PYHIN1: variants seen among roughly 807,000 people sequenced by gnomAD.
PYHIN1 encodes the protein pyrin and HIN domain family member 1, also known as pyrin and HIN domain-containing protein 1.
PYHIN1 carries 32 observed loss-of-function variants against 43.7 expected under a neutral mutation model. The observed-to-expected ratio is 0.73, with a 90% confidence interval of 0.55 to 0.98. PYHIN1 has a LOEUF of 0.98. PYHIN1 is among the 50% of genes least tolerant of loss of function. The pLI is 0.00. For synonymous variants in PYHIN1, 205 were observed against 203.1 expected, an observed-to-expected ratio of 1.01 and a Z score of -0.08; for missense variants, 588 against 589.5, an observed-to-expected ratio of 1.00 and a Z score of 0.03.
chr1:158,944,032 TA>T, intron 6 of PYHIN1, 54 bp downstream of exon 6: 2 of 1,468,268 alleles, frequency 1.4e-6, no homozygotes, highest in Non-Finnish European at 9.2e-7. Flanking sequence ...TCATTTGCTT[TA>T]AGTTTTAGGA....
chr1:158,935,416 G>C (rs75150453), intron 1 of PYHIN1, among the ~76,000 whole-genome samples: 2 of 152,084 alleles, frequency 1.3e-5, no homozygotes, highest in Non-Finnish European at 2.9e-5. Context: ...TAAAAATGTG[G>C]TTTATAGAGA....
chr1:158,943,763 A>G, intron 5 of PYHIN1, 27 bp from the exon 6 acceptor site: 1 of 1,565,706 alleles, frequency 6.4e-7, no homozygotes, highest in Non-Finnish European at 8.7e-7. Flanking sequence ...ATGTTCTCAC[A>G]AACATGATAT....
At chr1:158,938,101 A>C (rs187777058) in intron 2 of PYHIN1, among the ~76,000 whole-genome samples, 1 of 152,350 alleles carries the variant, frequency 6.6e-6, no homozygotes, top group African/African-American at 2.4e-5. Context: ...TTAAAAGGAA[A>C]TGATAGAATA....
intron 1 of PYHIN1, among the ~76,000 whole-genome samples, chr1:158,936,107 C>G (rs1013596696): frequency 6.6e-6 from 1 of 151,580 alleles, no homozygotes; most frequent in Non-Finnish European, 1.5e-5. Flanking sequence ...ATGTGCATAA[C>G]GTGCAGGTTT....
At position 158,936,965 on chromosome 1, in the gene PYHIN1, G is replaced by A; in HGVS notation, c.55G>A (p.Asp19Asn). 1.9e-6 allele frequency: 3 copies of A among 1,611,996 alleles called. No individual in the cohort carries two copies. The highest frequency in any genetic ancestry group is 1.3e-5 in the African/African-American group (1 of 74,970). The change falls in exon 2 of 9, where the codon GAT (aspartate) becomes AAT (asparagine). Residue 19 changes from aspartate (D) to asparagine (N), a missense_variant. Transcript: ENST00000368140. ...VLLKGLEVIN[D>N]YHFRIVKSLL... ...ACTGAAAGGATTAGAGGTCATCAAT[G>A]ATTATCATTTTAGAATTGTTAAGTC...
At chr1:158,982,347 T>C in the PYHIN1 span, among the ~76,000 whole-genome samples, 2 of 152,202 alleles carry the variant, frequency 1.3e-5, no homozygotes, top group Non-Finnish European at 2.9e-5. Context: ...CCAGTTTTAA[T>C]TTTCTGTATA....
chr1:158,953,714 G>T (rs1007504129), intron 7 of PYHIN1, among the ~76,000 whole-genome samples: 1 of 152,200 alleles, frequency 6.6e-6, no homozygotes, highest in African/African-American at 2.4e-5. Context: ...CCAAAGAAAC[G>T]CAGTTCCTCA....
At chr1:158,984,518 T>C in the PYHIN1 span, among the ~76,000 whole-genome samples, 1 of 152,192 alleles carries the variant, frequency 6.6e-6, no homozygotes, top group Non-Finnish European at 1.5e-5. Flanking sequence ...GTGTGGTTGA[T>C]ATAATTTCTG....
rs755380605 is a variant in PYHIN1 at position 158,942,399 on chromosome 1, G to A, written c.1002G>A (p.Thr334=). The A allele has an allele frequency of 4.8e-5, 76 of 1,567,338 alleles. 1 individual carries two copies. The South Asian group carries it at 6.8e-4, about 14-fold the overall frequency. The part of the protein sequence containing the change: ...YIVYGLFMLH[T]KIVNRKTTIY... ...TATATGGATTATTTATGCTACATACGGTAAGGCATCAAAGCTATTTTGTGG... is the reference window on the plus strand; with the variant it reads ...TATATGGATTATTTATGCTACATACAGTAAGGCATCAAAGCTATTTTGTGG... Residue 334 remains threonine, a splice_region_variant and synonymous_variant, in exon 5 of 9, where the codon ACG becomes ACA. Transcript: ENST00000368140.
At chr1:158,982,016 C>T (rs1455396421), downstream of PYHIN1, among the ~76,000 whole-genome samples, 1 of 152,024 alleles carries the variant, frequency 6.6e-6, no homozygotes, top group Non-Finnish European at 1.5e-5. Flanking sequence ...GATTTAAGTT[C>T]CTTATAGAGT....
At chr1:158,972,549 G>C (rs1159504861) in intron 7 of PYHIN1, among the ~76,000 whole-genome samples, 1 of 151,908 alleles carries the variant, frequency 6.6e-6, no homozygotes, top group Non-Finnish European at 1.5e-5. Context: ...ACACAAAGAT[G>C]AAGAAATACA....
chr1:158,938,505 T>C lies in PYHIN1; in HGVS notation c.374T>C (p.Leu125Pro). ...CCTGCATGCACCCCAAGCAACCGTC[T>C]CACAGCTAAAGGAGCAGAGGAGACT... ...ATPACTPSNR[L>P]TAKGAEETLG... Residue 125 changes from leucine to proline, a missense_variant, in exon 3 of 9, where the codon CTC becomes CCC. Coordinates refer to ENST00000368140, the MANE Select transcript of PYHIN1 (RefSeq NM_152501.5). 6.2e-7 allele frequency: 1 copy of C among 1,614,198 alleles called. No homozygotes were observed.
intron 7 of PYHIN1, 60 bp downstream of exon 7, chr1:158,945,102 GA>G (rs1266504271): frequency 2.3e-5 from 34 of 1,492,216 alleles, no homozygotes; most frequent in Non-Finnish European, 2.9e-5. Flanking sequence ...AGGATCATTA[GA>G]TTGTTGAAAG....
chr1:158,960,063 C>T (rs1250194325), intron 7 of PYHIN1, among the ~76,000 whole-genome samples: 1 of 152,230 alleles, frequency 6.6e-6, no homozygotes, highest in Non-Finnish European at 1.5e-5. Context: ...ACCTCCACCA[C>T]CTTATATACA....
chr1:158,955,020 G>A (rs202095298), intron 7 of PYHIN1, among the ~76,000 whole-genome samples: 4 of 152,050 alleles, frequency 2.6e-5, no homozygotes, highest in South Asian at 2.1e-4. Flanking sequence ...ATTACATAAT[G>A]ATAAAGGGAT....
chr1:158,942,405 G>A lies in PYHIN1; in HGVS notation c.1002+6G>A, dbSNP rs781480739. ...GATTATTTATGCTACATACGGTAAGGCATCAAAGCTATTTTGTGGCATTTT... is the reference window on the plus strand; with the variant it reads ...GATTATTTATGCTACATACGGTAAGACATCAAAGCTATTTTGTGGCATTTT... On this transcript the variant is annotated splice_donor_region_variant and intron_variant, in intron 5 of 8. Transcript: ENST00000368140. 1 of 1,555,120 alleles carries A rather than the reference G, an allele frequency of 6.4e-7. No individual in the cohort carries two copies. The highest frequency in any genetic ancestry group is 8.7e-7 in the Non-Finnish European group (1 of 1,154,558).
At chr1:158,939,039 G>C in intron 3 of PYHIN1, 41 bp from the exon 4 acceptor site, 2 of 1,446,358 alleles carry the variant, frequency 1.4e-6, no homozygotes, top group Non-Finnish European at 1.9e-6. Flanking sequence ...TGCTTCATTT[G>C]ACACTGAAAG....
chr1:158,934,834 T>A (rs1388315039), intron 1 of PYHIN1, among the ~76,000 whole-genome samples: 1 of 152,180 alleles, frequency 6.6e-6, no homozygotes, highest in East Asian at 1.9e-4. Flanking sequence ...GCAATTCTGT[T>A]GCCTCAGCCT....
At chr1:158,984,279 C>G in the PYHIN1 span, among the ~76,000 whole-genome samples, 2 of 151,650 alleles carry the variant, frequency 1.3e-5, no homozygotes, top group African/African-American at 4.8e-5. Flanking sequence ...TGATGTAGGC[C>G]TTTAGTGCTA....
Sources: allele counts gnomAD v4.1 joint callset (sites outside exome capture counted in the v4.1 genomes callset), GRCh38; gene constraint gnomAD v4.1.1; transcripts MANE v1.5; gene names NCBI Gene and HGNC (gene_info 2026-07-23, HGNC 2026-07-21).